CHD5: variants seen among roughly 807,000 people sequenced by gnomAD.
The protein encoded by CHD5 is chromodomain helicase DNA binding protein 5, also known as ATP-dependent chromatin remodeler CHD5.
In CHD5, 69 loss-of-function variants were observed where a neutral mutation model predicts 230.3. That is an observed-to-expected ratio of 0.30 (90% CI 0.25 to 0.37). The LOEUF (loss-of-function observed/expected upper bound fraction) is 0.37, where lower values mean the gene tolerates loss of function less well. Ranked by LOEUF, CHD5 falls within the 10% of genes least tolerant of loss-of-function variation. The pLI, the probability that CHD5 is intolerant of heterozygous loss-of-function variation, is 1.00. For synonymous variants in CHD5, 1,064 were observed against 1,065.9 expected, an observed-to-expected ratio of 1.00 and a Z score of 0.03; for missense variants, 1,827 against 2,622.8, an observed-to-expected ratio of 0.70 and a Z score of 6.63.
In CHD5 at chr1:6,128,468, G is replaced by A. The variant is rs1182147585; in HGVS notation, c.3730+31C>T. ...CAGGAGCAGCCACCTGGTCGGAGGA[G>A]GAGCTGAGGCTGGGCTGGGTTGGCC... On this transcript the variant is annotated intron_variant, in intron 24 of 41. Transcript: ENST00000262450. The surrounding 1 kb of genome is among the most constrained non-coding windows in gnomAD (Gnocchi z 7.8). 1.9e-6 allele frequency: 3 copies of A among 1,538,846 alleles called. No homozygotes were observed. In the African/African-American group the frequency reaches 4.1e-5, roughly 21 times the overall value.
chr1:6,115,827 C>A (rs1571141367), intron 33 of CHD5, among the ~76,000 whole-genome samples: 1 of 152,296 alleles, frequency 6.6e-6, no homozygotes, highest in African/African-American at 2.4e-5. Flanking sequence ...CAGACCCACA[C>A]AACTGTGAGC....
In CHD5 at chr1:6,167,258, G is replaced by T. The variant is rs1308419780; in HGVS notation, c.207+892C>A. Among the ~76,000 whole-genome samples, 3 of 152,180 alleles carry T rather than the reference G, an allele frequency of 2.0e-5. No homozygotes were observed. The highest frequency in any genetic ancestry group is 4.4e-5 in the Non-Finnish European group (3 of 68,032). ...GTGGCTGGTGGAGCTGACAGCCCTG[G>T]ATTCAGATCTCAGCACCACCACTGT... On this transcript the variant is annotated intron_variant, in intron 2 of 41. Transcript: ENST00000262450. The surrounding 1 kb of genome is among the most constrained non-coding windows in gnomAD (Gnocchi z 4.5).
chr1:6,108,267 T>C (rs192345135), intron 38 of CHD5, among the ~76,000 whole-genome samples: 67 of 125,280 alleles, frequency 5.3e-4, no homozygotes, highest in African/African-American at 1.8e-3. Context: ...GGAAGGATGA[T>C]AGAGGGATGG....
Position 6,119,388 on chromosome 1 carries a change from G to A in CHD5, c.4912+1717C>T, listed in dbSNP as rs536984133. On this transcript the variant is annotated intron_variant, in intron 33 of 41. Transcript: ENST00000262450. ...GCTGGGATTACTGGCATGAGCCACC[G>A]CACCTGGCCCAAAAATAAACTTTTA... Among the ~76,000 whole-genome samples, 21 of 152,184 alleles carry A rather than the reference G, an allele frequency of 1.4e-4. No individual in the cohort carries two copies. In the South Asian group the frequency reaches 2.7e-3, roughly 20 times the overall value.
At chr1:6,106,572 G>C in intron 39 of CHD5, 44 bp downstream of exon 39, 1 of 1,550,600 alleles carries the variant, frequency 6.4e-7, no homozygotes, top group Non-Finnish European at 8.7e-7. Flanking sequence ...CCACCCAGGG[G>C]CACGCCAGGG....
chr1:6,111,669 T>G, intron 36 of CHD5, 106 bp downstream of exon 36: 1 of 842,008 alleles, frequency 1.2e-6, no homozygotes, highest in African/African-American at 1.7e-5. Context: ...GTGAGGAAGA[T>G]TGAGGAAGAA....
At position 6,112,909 on chromosome 1, in the gene CHD5, C is replaced by G; in HGVS notation, c.5002G>C (p.Asp1668His). ...SRGDSSELRPDDTKAEEKEPI... is the reference protein window; with the variant it reads ...SRGDSSELRPHDTKAEEKEPI... The stretch of plus-strand genomic sequence containing the variant: ...TAGAGAACACAGAAGAGCCCCAGAC[C>G]TGGCCTGAGTTCGGAACTGTCCCCT... Residue 1668 changes from aspartate (D) to histidine (H), a missense_variant and splice_region_variant, in exon 34 of 42, where the codon GAT becomes CAT. Coordinates refer to ENST00000262450, the MANE Select transcript of CHD5 (RefSeq NM_015557.3). The G allele has an allele frequency of 1.2e-6, 2 of 1,612,206 alleles. No individual in the cohort carries two copies. The highest frequency in any genetic ancestry group is 1.7e-6 in the Non-Finnish European group (2 of 1,178,404).
In CHD5 at chr1:6,142,654, G is replaced by A. The variant is rs763445029; in HGVS notation, c.2044-49C>T. ...ACACGCCCCAGATCCTGGGCCACCAGAGTCCACACTACAGGCCTTTGCACA... is the reference window on the plus strand; with the variant it reads ...ACACGCCCCAGATCCTGGGCCACCAAAGTCCACACTACAGGCCTTTGCACA... On this transcript the variant is annotated intron_variant, in intron 13 of 41. Transcript: ENST00000262450. This position sits in a 1 kb window ranked among gnomAD's most constrained non-coding sequence, Gnocchi z 5.2. The A allele has an allele frequency of 1.2e-5, 18 of 1,554,984 alleles. 1 individual carries two copies. Among genetic ancestry groups the A allele is most frequent in the Middle Eastern group, 2.3e-4 (1 of 4,350 alleles).
chr1:6,174,464 T>C (rs563193303), intron 1 of CHD5, among the ~76,000 whole-genome samples: 1 of 151,592 alleles, frequency 6.6e-6, no homozygotes, highest in East Asian at 1.9e-4. Flanking sequence ...GGATGATGAA[T>C]TGATGGATAG....
rs978115964 is a variant in CHD5 at position 6,163,068 on chromosome 1, T to C, written c.208-3553A>G. Among the ~76,000 whole-genome samples the C allele has an allele frequency of 3.3e-5, 5 of 152,198 alleles. No homozygotes were observed. In the East Asian group the frequency reaches 5.8e-4, roughly 18 times the overall value. On this transcript the variant is annotated intron_variant, in intron 2 of 41. Transcript: ENST00000262450. ...GGAGAGTAGGGCTGGCAGAAGGCCA[T>C]GAGCCCAGCACTGACAGGGCTCGCC...
chr1:6,133,403 C>T (rs780378067), intron 20 of CHD5, among the ~76,000 whole-genome samples: 1 of 152,240 alleles, frequency 6.6e-6, no homozygotes, highest in African/African-American at 2.4e-5. Flanking sequence ...GGGCTGCAGG[C>T]GGCGGACGCT....
At chr1:6,150,131 AATGG>A (rs771976419) in intron 7 of CHD5, among the ~76,000 whole-genome samples, 13 of 149,242 alleles carry the variant, frequency 8.7e-5, no homozygotes, top group Non-Finnish European at 1.6e-4. Context: ...TGAATGAACA[AATGG>A]ATGGATGGGT....
Position 6,103,573 on chromosome 1 carries a change from G to C in CHD5, c.*1901C>G, listed in dbSNP as rs922771165. On this transcript the variant is annotated 3_prime_UTR_variant, in exon 42 of 42. Transcript: ENST00000262450. Reference sequence around the variant, plus strand: ...ACTGCTTGTTTGGGGACGAGGGCACGGGAGTGAGCTTCTGACCCGAGCCAG... The same window carrying C: ...ACTGCTTGTTTGGGGACGAGGGCACCGGAGTGAGCTTCTGACCCGAGCCAG... The C allele has an allele frequency of 6.6e-6, 1 of 152,354 alleles. No individual in the cohort carries two copies. The highest frequency in any genetic ancestry group is 2.4e-5 in the African/African-American group (1 of 41,472). 9.4% of individuals were successfully genotyped at this position (152,354 alleles called of 1,614,324 possible).
intron 38 of CHD5, among the ~76,000 whole-genome samples, chr1:6,109,488 A>T (rs545643096): frequency 6.6e-6 from 1 of 152,204 alleles, no homozygotes; most frequent in Non-Finnish European, 1.5e-5. Flanking sequence ...AGTGCATTTA[A>T]GTCACGCTGT....
chr1:6,157,691 C>T (rs1031785645), intron 3 of CHD5, among the ~76,000 whole-genome samples: 11 of 152,206 alleles, frequency 7.2e-5, no homozygotes, highest in Admixed American at 1.3e-4. Context: ...CCCTCTGTGG[C>T]TGACCTGCCC....
intron 15 of CHD5, among the ~76,000 whole-genome samples, chr1:6,140,817 T>A (rs1666814774): frequency 6.6e-6 from 1 of 151,924 alleles, no homozygotes; most frequent in South Asian, 2.1e-4. Flanking sequence ...CTGAGCAACA[T>A]ACGGAGAATC....
chr1:6,176,192 C>A (rs560980648), intron 1 of CHD5, among the ~76,000 whole-genome samples: 1 of 152,286 alleles, frequency 6.6e-6, no homozygotes, highest in Admixed American at 6.5e-5. Flanking sequence ...CTGGGACCCC[C>A]CTACCAAACC....
Position 6,102,156 on chromosome 1 carries a change from T to A in CHD5, c.*3318A>T. 1 of 270,536 alleles carries A rather than the reference T, an allele frequency of 3.7e-6. No homozygotes were observed. The highest frequency in any genetic ancestry group is 7.6e-6 in the Non-Finnish European group (1 of 131,836). The allele number at this position is 270,536 out of a possible 1,614,324, so 16.8% of individuals were successfully genotyped here. On this transcript the variant is annotated 3_prime_UTR_variant, in exon 42 of 42. Transcript: ENST00000262450. ...GGGACCCTCCCTTCCTCTCCAGGGG[T>A]GCTTGGGCTCCAATCGCTGCTTGAG... is the stretch of plus-strand genomic sequence containing the variant.
At chr1:6,108,318 G>GA (rs1364731476) in intron 38 of CHD5, among the ~76,000 whole-genome samples, 2 of 149,018 alleles carry the variant, frequency 1.3e-5, no homozygotes, top group Admixed American at 1.3e-4. Context: ...TGGAGAGACG[G>GA]AGGGATGAAG....
Sources: allele counts gnomAD v4.1 joint callset (sites outside exome capture counted in the v4.1 genomes callset), GRCh38; gene constraint gnomAD v4.1.1; non-coding constraint Gnocchi (gnomAD v3.1); transcripts MANE v1.5; gene names NCBI Gene and HGNC (gene_info 2026-07-23, HGNC 2026-07-21).